FMN1: variants seen among roughly 807,000 people sequenced by gnomAD.
FMN1 encodes the protein formin 1, also known as formin-1.
In FMN1, 110 loss-of-function variants were observed where a neutral mutation model predicts 132.4. That is an observed-to-expected ratio of 0.83 (90% CI 0.71 to 0.97). The LOEUF (loss-of-function observed/expected upper bound fraction) is 0.97. Among genes scored for constraint, FMN1 ranks in the 50% least tolerant of loss-of-function variants. The probability of loss-of-function intolerance (pLI) is 0.00; values close to 1 mark genes in which losing one functional copy is unlikely to be tolerated. For synonymous variants in FMN1, 722 were observed against 651.7 expected, an observed-to-expected ratio of 1.11 and a Z score of -1.64; for missense variants, 1,792 against 1,705.3, an observed-to-expected ratio of 1.05 and a Z score of -0.90.
intron 17 of FMN1, among the ~76,000 whole-genome samples, chr15:32,820,614 G>A (rs16959173): frequency 0.034 from 5,112 of 152,146 alleles, 136 homozygotes; most frequent in East Asian, 0.084. Context: ...AAACATGCAA[G>A]GTTTCTCTAA....
At chr15:33,073,501 A>G (rs1361629359) in intron 5 of FMN1, among the ~76,000 whole-genome samples, 3 of 152,326 alleles carry the variant, frequency 2.0e-5, no homozygotes, top group African/African-American at 7.2e-5. Context: ...TGGGTAGGTT[A>G]ATGGGTGAAA....
At chr15:32,943,363 T>C (rs1259594875) in intron 9 of FMN1, among the ~76,000 whole-genome samples, 2 of 152,224 alleles carry the variant, frequency 1.3e-5, no homozygotes, top group Non-Finnish European at 2.9e-5. Flanking sequence ...GCCATCAAAC[T>C]AGTGTTATCT....
At position 33,154,791 on chromosome 15, in the gene FMN1, T is replaced by C. The variant is rs1964605769; in HGVS notation, c.124A>G (p.Arg42Gly). 1 of 1,536,048 alleles carries C rather than the reference T, an allele frequency of 6.5e-7. No homozygotes were observed. The highest frequency in any genetic ancestry group is 2.4e-5 in the East Asian group (1 of 40,924). ...FSYKGTVTLD[R>G]SNKGFHNCYQ... ...CAGTTATGAAAACCTTTATTGGATCTGTCTAGAGTTACAGTGCCCTTGTAT... is the reference window on the plus strand; with the variant it reads ...CAGTTATGAAAACCTTTATTGGATCCGTCTAGAGTTACAGTGCCCTTGTAT... The change falls in exon 4 of 21, where the codon AGA (arginine) becomes GGA (glycine). Residue 42 changes from arginine to glycine, a missense_variant. By Grantham distance (125) the Arg-to-Gly change is moderately radical (BLOSUM62 -2). Coordinates refer to ENST00000616417, the MANE Select transcript of FMN1 (RefSeq NM_001277313.2).
At chr15:33,186,883 C>A (rs1414313088) in intron 2 of FMN1, among the ~76,000 whole-genome samples, 1 of 152,210 alleles carries the variant, frequency 6.6e-6, no homozygotes, top group African/African-American at 2.4e-5. Flanking sequence ...GAGCACTTCT[C>A]TTACTGCGAC....
chr15:33,036,553 G>T (rs1261237108), intron 6 of FMN1, among the ~76,000 whole-genome samples: 1 of 152,172 alleles, frequency 6.6e-6, no homozygotes, highest in East Asian at 1.9e-4. Flanking sequence ...CAGTTTAATG[G>T]TACACAATAT....
At chr15:33,162,719 T>C (rs1964944069) in intron 3 of FMN1, among the ~76,000 whole-genome samples, 1 of 152,188 alleles carries the variant, frequency 6.6e-6, no homozygotes, top group Non-Finnish European at 1.5e-5. Flanking sequence ...AAGTCAAAAG[T>C]AATGTCAGAA....
In FMN1 at chr15:33,153,107, A is replaced by G. The variant is rs544863764; in HGVS notation, c.1808T>C (p.Leu603Ser). ...CTTCCCTGGCCCCAAGCTCTTTTCC[A>G]AAGTTTCCCCAGGCACCAACCGAGG... The part of the protein sequence containing the change: ...GQPRLVPGET[L>S]EKSLGPGKTT... The change falls in exon 4 of 21, where the codon TTG becomes TCG. Residue 603 changes from leucine to serine, a missense_variant. Leu to Ser is a moderately radical substitution (Grantham distance 145, BLOSUM62 -2). This residue lies in a region of FMN1 where 1,150 missense variants were observed against 1,043.1 expected (regional missense o/e 1.10). Coordinates refer to ENST00000616417, the MANE Select transcript of FMN1 (RefSeq NM_001277313.2). 1.3e-6 allele frequency: 2 copies of G among 1,535,986 alleles called. No individual in the cohort carries two copies. Among genetic ancestry groups the G allele is most frequent in the East Asian group, 4.9e-5 (2 of 40,908 alleles).
At chr15:33,023,573 A>C (rs1054881313) in intron 6 of FMN1, among the ~76,000 whole-genome samples, 6 of 152,314 alleles carry the variant, frequency 3.9e-5, no homozygotes, top group African/African-American at 1.4e-4. Context: ...ATTGAAATAA[A>C]AGGTGCAAAA....
At chr15:33,183,911 T>C (rs1965789596) in intron 2 of FMN1, among the ~76,000 whole-genome samples, 1 of 152,194 alleles carries the variant, frequency 6.6e-6, no homozygotes, top group African/African-American at 2.4e-5. Flanking sequence ...AAGACACTAA[T>C]TTATAAAAAC....
chr15:32,967,987 T>C (rs2031402335), intron 8 of FMN1, among the ~76,000 whole-genome samples: 1 of 152,256 alleles, frequency 6.6e-6, no homozygotes, highest in Non-Finnish European at 1.5e-5. Context: ...GCAGAACAAA[T>C]CACACTCAAA....
intron 16 of FMN1, among the ~76,000 whole-genome samples, chr15:32,881,849 C>G (rs952127328): frequency 2.6e-5 from 4 of 152,282 alleles, no homozygotes; most frequent in Admixed American, 2.0e-4. Context: ...ACATCAGGAG[C>G]CCAATACATC....
At chr15:33,187,905 T>G (rs1965942234) in intron 2 of FMN1, among the ~76,000 whole-genome samples, 2 of 152,232 alleles carry the variant, frequency 1.3e-5, no homozygotes, top group African/African-American at 4.8e-5. Flanking sequence ...CTGCAAGGCT[T>G]GAATGAAAAT....
intron 7 of FMN1, among the ~76,000 whole-genome samples, chr15:32,992,636 A>G (rs2033505612): frequency 6.6e-6 from 1 of 152,234 alleles, no homozygotes; most frequent in South Asian, 2.1e-4. Flanking sequence ...TGCAGTAAAT[A>G]TAACTTAGAT....
Position 32,772,933 on chromosome 15 carries a change from G to A in FMN1, c.*1377C>T, listed in dbSNP as rs151204687. 1 of 152,486 alleles carries A rather than the reference G, an allele frequency of 6.6e-6. No individual in the cohort carries two copies. Among genetic ancestry groups the A allele is most frequent in the Non-Finnish European group, 1.5e-5 (1 of 68,200 alleles). The allele number at this position is 152,486 out of a possible 1,614,324, so 9.4% of individuals were successfully genotyped here. The stretch of plus-strand genomic sequence containing the variant: ...CCACATGTGGAGGCTGGATCAGGAA[G>A]GAATTTAAGATTTCTGCTCATCTCT... On this transcript the variant is annotated 3_prime_UTR_variant, in exon 21 of 21. Coordinates refer to ENST00000616417, the MANE Select transcript of FMN1 (RefSeq NM_001277313.2).
intron 9 of FMN1, among the ~76,000 whole-genome samples, chr15:32,959,738 AAAAG>A (rs1288286383): frequency 6.6e-6 from 1 of 152,242 alleles, no homozygotes; most frequent in African/African-American, 2.4e-5. Context: ...CTATTATAAG[AAAAG>A]AAATAATAAA....
intron 9 of FMN1, among the ~76,000 whole-genome samples, chr15:32,935,026 A>G (rs1032654934): frequency 4.6e-5 from 7 of 151,294 alleles, no homozygotes; most frequent in African/African-American, 1.7e-4. Flanking sequence ...AGTTCAAGCG[A>G]TTCTCCTCCC....
intron 4 of FMN1, among the ~76,000 whole-genome samples, chr15:33,114,157 A>C (rs1398488738): frequency 1.3e-5 from 2 of 152,206 alleles, no homozygotes; most frequent in East Asian, 1.9e-4. Flanking sequence ...CACTACTGCT[A>C]GTGCCTGCCC....
chr15:32,786,240 G>A (rs1555454056), intron 19 of FMN1, among the ~76,000 whole-genome samples: 1 of 152,076 alleles, frequency 6.6e-6, no homozygotes, highest in African/African-American at 2.4e-5. Flanking sequence ...ATAAACAAAG[G>A]AACATGCAAA....
intron 18 of FMN1, among the ~76,000 whole-genome samples, chr15:32,802,482 A>G (rs2057513785): frequency 1.3e-5 from 2 of 152,244 alleles, no homozygotes; most frequent in South Asian, 4.2e-4. Context: ...ACTGACCACA[A>G]CCTCCTTAAA....
Sources: allele counts gnomAD v4.1 joint callset (sites outside exome capture counted in the v4.1 genomes callset), GRCh38; gene constraint gnomAD v4.1.1; regional missense constraint gnomAD v4.1.1; transcripts MANE v1.5; gene names NCBI Gene and HGNC (gene_info 2026-07-23, HGNC 2026-07-21).